The following IL1RAP variants were observed in gnomAD, a reference collection of about 807,000 sequenced individuals.
IL1RAP encodes interleukin-1 receptor accessory protein.
IL1RAP carries 35 observed loss-of-function variants against 60.7 expected under a neutral mutation model. That is an observed-to-expected ratio of 0.58 (90% CI 0.44 to 0.76). The LOEUF is 0.76. Ranked by LOEUF, IL1RAP falls within the 30% of genes least tolerant of loss-of-function variation. The pLI, the probability that IL1RAP is intolerant of heterozygous loss-of-function variation, is 0.00. For missense variants in IL1RAP, 572 were observed against 693.9 expected, an observed-to-expected ratio of 0.82 and a Z score of 1.97; for synonymous variants, 268 against 250.9, an observed-to-expected ratio of 1.07 and a Z score of -0.64.
intron 9 of IL1RAP, among the ~76,000 whole-genome samples, chr3:190,631,699 C>T (rs576601526): frequency 2.5e-4 from 38 of 152,314 alleles, no homozygotes; most frequent in African/African-American, 9.1e-4. Flanking sequence ...GAGAAAGACA[C>T]TGGTGTAGGT....
At position 190,651,294 on chromosome 3, in the gene IL1RAP, G is replaced by A. The variant is rs763357847; in HGVS notation, c.*2589G>A. 1.1e-5 allele frequency: 10 copies of A among 950,942 alleles called. No individual in the cohort carries two copies. Among genetic ancestry groups the A allele is most frequent in the Non-Finnish European group, 1.3e-5 (10 of 798,664 alleles). The allele number at this position is 950,942 out of a possible 1,614,324, so 58.9% of individuals were successfully genotyped here. On this transcript the variant is annotated 3_prime_UTR_variant, in exon 12 of 12. Coordinates refer to ENST00000447382, the MANE Select transcript of IL1RAP (RefSeq NM_002182.4). ...TATACGATTTATTTAATTCTCTTCT[G>A]TATTGTAACTTAGATGATTCCCAAG...
chr3:190,595,558 A>C (rs989734576), intron 3 of IL1RAP, among the ~76,000 whole-genome samples: 3 of 152,226 alleles, frequency 2.0e-5, no homozygotes, highest in African/African-American at 7.2e-5. Context: ...AACAAACTTT[A>C]GCAAAACTAC....
intron 3 of IL1RAP, 84 bp from the exon 4 acceptor site, chr3:190,604,044 G>A: frequency 7.4e-7 from 1 of 1,349,668 alleles, no homozygotes; most frequent in Non-Finnish European, 1.0e-6. Flanking sequence ...AAGACCGGGT[G>A]AACTGAGGAG....
intron 3 of IL1RAP, among the ~76,000 whole-genome samples, chr3:190,592,051 G>A (rs1373305669): frequency 6.6e-6 from 1 of 152,112 alleles, no homozygotes; most frequent in South Asian, 2.1e-4. Flanking sequence ...ATGGAATCTC[G>A]CTCTGTCTCC....
chr3:190,653,630 G>A (rs565838275), downstream of IL1RAP, among the ~76,000 whole-genome samples: 1 of 151,970 alleles, frequency 6.6e-6, no homozygotes, highest in South Asian at 2.1e-4. Flanking sequence ...GACTTTTACA[G>A]GCAAGAGTAT....
chr3:190,609,583 C>G (rs1730644012), intron 5 of IL1RAP, among the ~76,000 whole-genome samples: 1 of 152,000 alleles, frequency 6.6e-6, no homozygotes, highest in African/African-American at 2.4e-5. Flanking sequence ...TTTCTTTGCC[C>G]TCATTTGTGA....
intron 1 of IL1RAP, among the ~76,000 whole-genome samples, chr3:190,553,147 A>T (rs758944010): frequency 2.0e-5 from 3 of 152,206 alleles, no homozygotes; most frequent in African/African-American, 4.8e-5. Flanking sequence ...AAGCCTTGCC[A>T]TGTGGTTACA....
chr3:190,653,581 C>A (rs1287698095), downstream of IL1RAP, among the ~76,000 whole-genome samples: 3 of 151,422 alleles, frequency 2.0e-5, no homozygotes, highest in Admixed American at 6.6e-5. Flanking sequence ...AAAAAATGAC[C>A]ATCCTAGTTT....
At chr3:190,640,348 A>G (rs544910466) in intron 9 of IL1RAP, among the ~76,000 whole-genome samples, 1 of 152,336 alleles carries the variant, frequency 6.6e-6, no homozygotes, top group Admixed American at 6.5e-5. Context: ...AGGCTAGTCC[A>G]GGACTAGTTA....
rs1158728802 is a variant in IL1RAP at position 190,623,367 on chromosome 3, C to G, written c.727C>G (p.Pro243Ala). ...VVGSPKNAVP[P>A]VIHSPNDHVV... Reference sequence around the variant, plus strand: ...AGGCTCTCCAAAAAATGCAGTGCCCCCTGTGATCCATTCACCTAATGATCA... The same window carrying G: ...AGGCTCTCCAAAAAATGCAGTGCCCGCTGTGATCCATTCACCTAATGATCA... The change falls in exon 7 of 12, where the codon CCT becomes GCT. Residue 243 changes from proline (P) to alanine (A), a missense_variant. Physicochemically the swap from Pro to Ala is conservative, Grantham distance 27. Transcript: ENST00000447382. 2 of 1,613,516 alleles carry G rather than the reference C, an allele frequency of 1.2e-6. No individual in the cohort carries two copies. Among genetic ancestry groups the G allele is most frequent in the Non-Finnish European group, 1.7e-6 (2 of 1,179,610 alleles).
intron 6 of IL1RAP, among the ~76,000 whole-genome samples, chr3:190,620,738 A>G (rs1366012224): frequency 1.3e-5 from 2 of 152,178 alleles, no homozygotes; most frequent in African/African-American, 4.8e-5. Flanking sequence ...TAGAAACATG[A>G]CGTTGAACAA....
At chr3:190,633,961 G>A (rs1207997982) in intron 9 of IL1RAP, among the ~76,000 whole-genome samples, 1 of 152,166 alleles carries the variant, frequency 6.6e-6, no homozygotes, top group East Asian at 1.9e-4. Flanking sequence ...AATTTAGAGG[G>A]CAAGCCTTCA....
At chr3:190,648,232 A>G in intron 11 of IL1RAP, 106 bp from the exon 12 acceptor site, 1 of 1,420,542 alleles carries the variant, frequency 7.0e-7, no homozygotes, top group Non-Finnish European at 9.5e-7. Flanking sequence ...GTTTCACCTC[A>G]ATTCTTAGGC....
At chr3:190,529,729 C>T (rs1722828093) in intron 1 of IL1RAP, among the ~76,000 whole-genome samples, 1 of 151,028 alleles carries the variant, frequency 6.6e-6, no homozygotes, top group South Asian at 2.1e-4. Flanking sequence ...TGGCAGTCAC[C>T]TGTAATCCCA....
intron 2 of IL1RAP, chr3:190,563,990 A>G (rs1431346433): frequency 1.7e-5 from 5 of 294,876 alleles, no homozygotes; most frequent in Non-Finnish European, 3.2e-5. Context: ...TAGCCAAAGG[A>G]TCGTGGTGAT....
chr3:190,549,063 A>T (rs891177186), intron 1 of IL1RAP, among the ~76,000 whole-genome samples: 2 of 151,546 alleles, frequency 1.3e-5, no homozygotes, highest in African/African-American at 2.4e-5. Context: ...ACAGACACGT[A>T]GAAGGGTGAG....
At chr3:190,569,651 C>G (rs543096526) in intron 3 of IL1RAP, among the ~76,000 whole-genome samples, 1 of 151,712 alleles carries the variant, frequency 6.6e-6, no homozygotes, top group East Asian at 1.9e-4. Flanking sequence ...CTTATATTTC[C>G]CAAGGGTGGA....
chr3:190,537,861 TAATTCCTTGCCTACTCACCTGC>T (rs1391442677), intron 1 of IL1RAP, among the ~76,000 whole-genome samples: 1 of 152,160 alleles, frequency 6.6e-6, no homozygotes, highest in African/African-American at 2.4e-5. Flanking sequence ...CTGTTTTCTG[TAATTCCTTGCCTACTCACCTGC>T]AGGTTATATT....
At chr3:190,634,061 A>G (rs1733000332) in intron 9 of IL1RAP, among the ~76,000 whole-genome samples, 1 of 151,960 alleles carries the variant, frequency 6.6e-6, no homozygotes, top group Admixed American at 6.6e-5. Context: ...TTTTTGTGTG[A>G]GTATGTTGAG....
Sources: gnomAD v4.1 joint callset for allele counts (sites outside exome capture counted in the v4.1 genomes callset) on GRCh38, gnomAD v4.1.1 for gene constraint, MANE v1.5 for transcripts, NCBI Gene and HGNC (gene_info 2026-07-23, HGNC 2026-07-21) for gene names.